The following FBXL13 variants were observed in gnomAD, a reference collection of about 807,000 sequenced individuals.
FBXL13 encodes F-box and leucine rich repeat protein 13.
A neutral mutation model predicts 83.6 loss-of-function variants in FBXL13; 67 were observed. That is an observed-to-expected ratio of 0.80 (90% CI 0.66 to 0.98). The LOEUF (loss-of-function observed/expected upper bound fraction) is 0.98, where lower values mean the gene tolerates loss of function less well. Ranked by LOEUF, FBXL13 falls within the 50% of genes least tolerant of loss-of-function variation. The probability of loss-of-function intolerance (pLI) is 0.00; values close to 1 mark genes in which losing one functional copy is unlikely to be tolerated. For missense variants in FBXL13, 822 were observed against 866.5 expected, an observed-to-expected ratio of 0.95 and a Z score of 0.64; for synonymous variants, 272 against 299.5, an observed-to-expected ratio of 0.91 and a Z score of 0.95.
intron 8 of FBXL13, among the ~76,000 whole-genome samples, chr7:102,935,450 A>G (rs1189856570): frequency 6.6e-6 from 1 of 151,898 alleles, no homozygotes; most frequent in African/African-American, 2.4e-5. Context: ...GAATAAAACA[A>G]TAAAAATTTA....
chr7:103,025,042 G>A (rs1346062153), intron 6 of FBXL13, 21 bp downstream of exon 7: 2 of 1,574,544 alleles, frequency 1.3e-6, no homozygotes, highest in Non-Finnish European at 1.7e-6. Context: ...AGTATATAAT[G>A]TATACTGAAT....
At chr7:102,944,661 A>G in intron 8 of FBXL13, 1 of 1,456,268 alleles carries the variant, frequency 6.9e-7, no homozygotes, top group East Asian at 2.3e-5. Context: ...CTGGTGTTAG[A>G]AAACATATGT....
chr7:102,997,404 T>C (rs572563748), intron 6 of FBXL13, among the ~76,000 whole-genome samples: 36 of 152,268 alleles, frequency 2.4e-4, no homozygotes, highest in South Asian at 1.9e-3. Context: ...ACCTCCAACA[T>C]TTATCTTTTT....
chr7:102,973,673 C>T lies in FBXL13; in HGVS notation c.496-5556G>A, dbSNP rs367623452. The T allele has an allele frequency of 3.9e-6, 3 of 766,314 alleles. No individual in the cohort carries two copies. The African/African-American group carries it at 5.1e-5, about 13-fold the overall frequency. The allele number at this position is 766,314 out of a possible 1,614,324, so 47.5% of individuals were successfully genotyped here. A position where few individuals can be genotyped will look rare whatever the true frequency, so the allele number is the denominator to read the frequency against. ...CTTCGTCCCCCGTGGACCTACCCCT[C>T]CGCCCCAGAAAGCAGGCCACAGCAG... On this transcript the variant is annotated intron_variant, in intron 6 of 19. Coordinates refer to ENST00000313221, the Ensembl canonical transcript of FBXL13.
intron 8 of FBXL13, among the ~76,000 whole-genome samples, chr7:102,962,282 T>C (rs370463919): frequency 0.047 from 7,199 of 152,096 alleles, 257 homozygotes; most frequent in South Asian, 0.13. Flanking sequence ...AAAACCACAA[T>C]GAGATATCAT....
At chr7:102,872,911 A>T (rs1169873489) in intron 16 of FBXL13, among the ~76,000 whole-genome samples, 1 of 152,204 alleles carries the variant, frequency 6.6e-6, no homozygotes, top group Non-Finnish European at 1.5e-5. Context: ...TAACTTCCTA[A>T]ACAACTTTTA....
At chr7:102,948,355 G>A (rs372791286) in intron 8 of FBXL13, among the ~76,000 whole-genome samples, 12 of 151,988 alleles carry the variant, frequency 7.9e-5, no homozygotes, top group East Asian at 3.9e-4. Context: ...CACTGCGCCC[G>A]GCCAGTAATG....
exon 1 of FBXL13, chr7:103,074,417 G>A (rs1315345163): frequency 8.3e-6 from 9 of 1,082,290 alleles, no homozygotes; most frequent in African/African-American, 1.6e-5. Context: ...TCTGAGTTTG[G>A]GGTTTCCGAT....
At chr7:102,905,323 A>C (rs1321026607) in intron 11 of FBXL13, among the ~76,000 whole-genome samples, 1 of 152,110 alleles carries the variant, frequency 6.6e-6, no homozygotes, top group Non-Finnish European at 1.5e-5. Context: ...TAAAATTGTT[A>C]TATCTTCTTG....
intron 2 of FBXL13, among the ~76,000 whole-genome samples, chr7:103,049,653 C>T (rs1404307470): frequency 1.3e-5 from 2 of 152,196 alleles, no homozygotes; most frequent in South Asian, 2.1e-4. Context: ...CTGGTGCCTC[C>T]TGTTTTTCCC....
chr7:103,027,656 T>C (rs1794085971), intron 4 of FBXL13, 98 bp from the exon 6 acceptor site: 2 of 694,050 alleles, frequency 2.9e-6, no homozygotes, highest in South Asian at 5.7e-5. Context: ...TATGAGACAA[T>C]GTCGCATCTG....
rs34739663 is a variant in FBXL13 at position 103,063,712 on chromosome 7, C to CTTTTT, written c.-104-7970_-104-7966dup. Among the ~76,000 whole-genome samples the CTTTTT allele has an allele frequency of 3.3e-4, 34 of 101,722 alleles. 1 individual carries two copies. Among genetic ancestry groups the CTTTTT allele is most frequent in the East Asian group, 6.1e-4 (2 of 3,270 alleles). The allele number at this position is 101,722 out of a possible 152,430, so 66.7% of individuals were successfully genotyped here. A position where few individuals can be genotyped will look rare whatever the true frequency, so the allele number is the denominator to read the frequency against. On this transcript the variant is annotated intron_variant, in intron 1 of 19. Transcript: ENST00000313221. ...GGTGAAGCCTAGAATCAAACTTAGG[C>CTTTTT]TTTTTTTTTTTTTTTTTTTTTCTGT...
chr7:103,037,820 T>C (rs907923514), intron 2 of FBXL13, among the ~76,000 whole-genome samples: 5 of 152,072 alleles, frequency 3.3e-5, no homozygotes, highest in African/African-American at 7.2e-5. Flanking sequence ...AAGAATATTT[T>C]TGGGCATGCT....
chr7:102,961,848 A>G (rs1825266241), intron 8 of FBXL13, among the ~76,000 whole-genome samples: 2 of 143,836 alleles, frequency 1.4e-5, no homozygotes, highest in African/African-American at 2.6e-5. Flanking sequence ...AGATGGATTA[A>G]AGACTTAAAC....
intron 8 of FBXL13, chr7:102,934,147 T>C: frequency 6.2e-7 from 1 of 1,614,182 alleles, no homozygotes; most frequent in Non-Finnish European, 8.5e-7. Flanking sequence ...TGCTGCCTGG[T>C]TGGCCTCAGG....
intron 17 of FBXL13, among the ~76,000 whole-genome samples, chr7:102,845,894 A>G (rs1422258673): frequency 1.3e-5 from 2 of 152,154 alleles, no homozygotes; most frequent in Non-Finnish European, 2.9e-5. Flanking sequence ...ATAGCCTCCT[A>G]CATACCTTTA....
At chr7:102,935,361 C>G (rs992070870) in intron 8 of FBXL13, among the ~76,000 whole-genome samples, 1 of 149,662 alleles carries the variant, frequency 6.7e-6, no homozygotes, top group African/African-American at 2.5e-5. Context: ...GAGCACTTCT[C>G]CTGCCTCAGC....
chr7:102,970,898 G>A (rs992388699), intron 6 of FBXL13, among the ~76,000 whole-genome samples: 2 of 152,102 alleles, frequency 1.3e-5, no homozygotes, highest in African/African-American at 2.4e-5. Context: ...AGGATAAAAT[G>A]TAGAGAAATA....
At chr7:102,845,971 C>A (rs1338937741) in intron 17 of FBXL13, among the ~76,000 whole-genome samples, 1 of 152,146 alleles carries the variant, frequency 6.6e-6, no homozygotes, top group African/African-American at 2.4e-5. Context: ...CATGTACTTA[C>A]CTGTTTCATG....
Sources: gnomAD v4.1 joint callset for allele counts (sites outside exome capture counted in the v4.1 genomes callset) on GRCh38, gnomAD v4.1.1 for gene constraint, MANE v1.5 for transcripts, NCBI Gene and HGNC (gene_info 2026-07-23, HGNC 2026-07-21) for gene names.